The following PPIL6 variants were observed in gnomAD, a reference collection of about 807,000 sequenced individuals.
PPIL6 encodes peptidylprolyl isomerase like 6.
Under a neutral mutation model 36.8 loss-of-function variants are expected in PPIL6, and 39 were observed. The observed-to-expected ratio is 1.06, with a 90% CI of 0.82 to 1.38. The LOEUF (loss-of-function observed/expected upper bound fraction) is 1.38. Ranked by LOEUF, PPIL6 falls within the 40% of genes most tolerant of loss-of-function variation. The pLI is 0.00. For synonymous variants in PPIL6, 123 were observed against 134.1 expected, an observed-to-expected ratio of 0.92 and a Z score of 0.57; for missense variants, 368 against 379.1, an observed-to-expected ratio of 0.97 and a Z score of 0.24.
chr6:109,409,517 T>C (rs1269515301), intron 6 of PPIL6, among the ~76,000 whole-genome samples: 1 of 151,438 alleles, frequency 6.6e-6, no homozygotes, highest in Non-Finnish European at 1.5e-5. Flanking sequence ...TGAGCTGAGA[T>C]CACGCCACTG....
At chr6:109,429,198 G>A (rs1365670806) in intron 3 of PPIL6, among the ~76,000 whole-genome samples, 1 of 152,134 alleles carries the variant, frequency 6.6e-6, no homozygotes, top group Non-Finnish European at 1.5e-5. Flanking sequence ...TCACTGCCAC[G>A]AATTATTTCG....
chr6:109,434,254 G>T (rs979942074), intron 2 of PPIL6, among the ~76,000 whole-genome samples: 1 of 152,110 alleles, frequency 6.6e-6, no homozygotes, highest in Non-Finnish European at 1.5e-5. Context: ...TTGTTGGAAG[G>T]ATTATAATTT....
chr6:109,395,365 C>T (rs567439249), intron 7 of PPIL6, among the ~76,000 whole-genome samples: 7 of 151,722 alleles, frequency 4.6e-5, no homozygotes, highest in African/African-American at 1.7e-4. Flanking sequence ...TGAGATCGCA[C>T]CACTGCACTC....
Position 109,392,821 on chromosome 6 carries a change from G to A in PPIL6, c.*5C>T. On this transcript the variant is annotated 3_prime_UTR_variant, in exon 8 of 8. Transcript: ENST00000521072. ...AAATTATCACAGAAAATATTGATAT[G>A]AAAATCAAGCATAAGGATCTCCACT... 7.0e-7 allele frequency: 1 copy of A among 1,419,450 alleles called. No individual in the cohort carries two copies. Among genetic ancestry groups the A allele is most frequent in the Non-Finnish European group, 9.8e-7 (1 of 1,022,342 alleles). The allele number at this position is 1,419,450 out of a possible 1,614,324, so 87.9% of individuals were successfully genotyped here. A position where few individuals can be genotyped will look rare whatever the true frequency, so the allele number is the denominator to read the frequency against.
chr6:109,398,024 T>C lies in PPIL6; in HGVS notation c.824+2011A>G, dbSNP rs528037803. 2.6e-5 allele frequency among the ~76,000 whole-genome samples: 4 copies of C among 152,208 alleles called. No homozygotes were observed. In the South Asian group the frequency reaches 8.3e-4, roughly 32 times the overall value. ...CTCCTGCCTCAGCCTCCTGAGTAGC[T>C]GGGACTACAGGTGTGTGCCACCATG... On this transcript the variant is annotated intron_variant, in intron 7 of 7. Transcript: ENST00000521072.
At chr6:109,428,340 C>T (rs1028277957) in intron 3 of PPIL6, among the ~76,000 whole-genome samples, 1 of 151,960 alleles carries the variant, frequency 6.6e-6, no homozygotes, top group African/African-American at 2.4e-5. Context: ...CCCTTGAGCC[C>T]AGGAGTTTGA....
intron 6 of PPIL6, 57 bp downstream of exon 6, chr6:109,419,130 C>T (rs1189580099): frequency 4.0e-6 from 4 of 1,006,596 alleles, no homozygotes; most frequent in African/African-American, 1.6e-5. Context: ...ACTGTCCAGT[C>T]CTGTTAAGTT....
chr6:109,426,517 C>T (rs1773822254), intron 5 of PPIL6, among the ~76,000 whole-genome samples: 2 of 152,024 alleles, frequency 1.3e-5, no homozygotes, highest in Non-Finnish European at 2.9e-5. Flanking sequence ...TTATTAAAAC[C>T]GCTGTATTTC....
intron 1 of PPIL6, 140 bp downstream of exon 1, chr6:109,440,316 G>T: frequency 1.8e-6 from 2 of 1,113,456 alleles, no homozygotes; most frequent in Non-Finnish European, 2.6e-6. Context: ...GAGCCCGCCC[G>T]GCCAGGACAC....
At chr6:109,410,806 G>C (rs1334962463) in intron 6 of PPIL6, among the ~76,000 whole-genome samples, 2 of 152,138 alleles carry the variant, frequency 1.3e-5, no homozygotes, top group Non-Finnish European at 2.9e-5. Flanking sequence ...GGTGCCTTCT[G>C]GATCAGAACA....
chr6:109,402,937 C>A, intron 6 of PPIL6: 2 of 779,050 alleles, frequency 2.6e-6, no homozygotes, highest in South Asian at 1.9e-5. Context: ...CTCTAACTAG[C>A]TTTGCAGACA....
chr6:109,411,695 A>G (rs1414564008), intron 6 of PPIL6, among the ~76,000 whole-genome samples: 2 of 152,170 alleles, frequency 1.3e-5, no homozygotes, highest in African/African-American at 4.8e-5. Context: ...TGTTTTCTAG[A>G]TTACAACAGT....
intron 3 of PPIL6, among the ~76,000 whole-genome samples, chr6:109,429,334 T>C (rs867128744): frequency 3.3e-5 from 5 of 152,264 alleles, no homozygotes; most frequent in South Asian, 2.1e-4. Flanking sequence ...GTCATACTCT[T>C]TTATGGAAAG....
chr6:109,435,236 G>A (rs1376019170), intron 2 of PPIL6, among the ~76,000 whole-genome samples: 1 of 151,972 alleles, frequency 6.6e-6, no homozygotes, highest in Non-Finnish European at 1.5e-5. Flanking sequence ...AGCGGCAAAC[G>A]GCACCATTGA....
At chr6:109,412,938 T>C (rs1451020756) in intron 6 of PPIL6, among the ~76,000 whole-genome samples, 6 of 152,098 alleles carry the variant, frequency 3.9e-5, no homozygotes, top group Non-Finnish European at 7.4e-5. Flanking sequence ...GGCAGGTGGA[T>C]CACGAGGTCA....
chr6:109,415,426 C>T (rs1191975213), intron 6 of PPIL6, among the ~76,000 whole-genome samples: 4 of 152,134 alleles, frequency 2.6e-5, no homozygotes, highest in South Asian at 4.1e-4. Flanking sequence ...GGTTCGGAGG[C>T]ACTCATCTCT....
intron 6 of PPIL6, among the ~76,000 whole-genome samples, chr6:109,404,356 A>G (rs80187885): frequency 0.049 from 7,493 of 152,256 alleles, 508 homozygotes; most frequent in African/African-American, 0.15. Flanking sequence ...GATTCTCATC[A>G]GGGATTGGGG....
rs1359515842 is a variant in PPIL6 at position 109,391,654 on chromosome 6, T to G, written c.*1172A>C. On this transcript the variant is annotated 3_prime_UTR_variant, in exon 8 of 8. Coordinates refer to ENST00000521072, the MANE Select transcript of PPIL6 (RefSeq NM_173672.5). ...GTCTGTTAGGTTACATTTTAAAAGC[T>G]CCCCAGGTGATATGAGCTTGAGAAC... The G allele has an allele frequency of 6.6e-6, 1 of 152,054 alleles. No homozygotes were observed. Among genetic ancestry groups the G allele is most frequent in the Non-Finnish European group, 1.5e-5 (1 of 68,022 alleles). 9.4% of individuals were successfully genotyped at this position (152,054 alleles called of 1,614,324 possible).
At position 109,404,290 on chromosome 6, in the gene PPIL6, C is replaced by T. The variant is rs902403169; in HGVS notation, c.689-4120G>A. On this transcript the variant is annotated intron_variant, in intron 6 of 7. Coordinates refer to ENST00000521072, the MANE Select transcript of PPIL6 (RefSeq NM_173672.5). ...CACGTTCCATCTGAGGCTGTGCCTC[C>T]GAGCACAAAGCATTTGGGTGCTCTG... Among the ~76,000 whole-genome samples, 61 of 152,292 alleles carry T rather than the reference C, an allele frequency of 4.0e-4. 1 individual carries two copies. Among genetic ancestry groups the T allele is most frequent in the African/African-American group, 1.3e-3 (56 of 41,550 alleles).
Sources: gnomAD v4.1 joint callset for allele counts (sites outside exome capture counted in the v4.1 genomes callset) on GRCh38, gnomAD v4.1.1 for gene constraint, MANE v1.5 for transcripts, NCBI Gene and HGNC (gene_info 2026-07-23, HGNC 2026-07-21) for gene names.